Variants in SDSL observed in about 807,000 individuals in gnomAD.
SDSL encodes the protein serine dehydratase like, also known as serine dehydratase-like.
In SDSL, 26 loss-of-function variants were observed where a neutral mutation model predicts 27.6. That is an observed-to-expected ratio of 0.94 (90% confidence interval 0.69 to 1.31). The LOEUF is 1.31. Ranked by LOEUF, SDSL falls within the 50% of genes most tolerant of loss-of-function variation. The probability of loss-of-function intolerance (pLI) is 0.00; values close to 1 mark genes in which losing one functional copy is unlikely to be tolerated. For synonymous variants in SDSL, 196 were observed against 180.6 expected (o/e 1.09, Z -0.69); for missense variants, 431 against 423.5 (o/e 1.02, Z -0.16).
In SDSL at chr12:113,435,385, G is replaced by A. The variant is rs773181564; in HGVS notation, c.500G>A (p.Gly167Asp). 24 of 1,606,162 alleles carry A rather than the reference G, an allele frequency of 1.5e-5. No individual in the cohort carries two copies. The South Asian group carries it at 2.2e-4, about 15-fold the overall frequency. ...AAAGCAGTGCTGAGGACCCCACCAG[G>A]TGCCCTGGTGCTGGCAGTTGGGGGT... ...ELKAVLRTPP[G>D]ALVLAVGGGG... The change falls in exon 6 of 8, where the codon GGT becomes GAT. Residue 167 changes from glycine (G) to aspartate (D), a missense_variant. Gly to Asp is a moderately conservative substitution (Grantham distance 94). Coordinates refer to ENST00000403593, the MANE Select transcript of SDSL (RefSeq NM_001304993.2).
intron 4 of SDSL, among the ~76,000 whole-genome samples, chr12:113,432,435 G>A (rs1045676367): frequency 2.0e-5 from 3 of 152,034 alleles, no homozygotes; most frequent in African/African-American, 7.2e-5. Flanking sequence ...TCCACTGTCC[G>A]GGTTCAAGCG....
chr12:113,424,944 C>T (rs559392849), intron 1 of SDSL, among the ~76,000 whole-genome samples: 2 of 152,198 alleles, frequency 1.3e-5, no homozygotes, highest in African/African-American at 4.8e-5. Context: ...CCATGTTGGC[C>T]ACGCTGGTCT....
At chr12:113,424,840 A>G (rs1283432756) in intron 1 of SDSL, among the ~76,000 whole-genome samples, 3 of 151,988 alleles carry the variant, frequency 2.0e-5, no homozygotes, top group South Asian at 2.1e-4. Flanking sequence ...GGTTCAAGCA[A>G]TTCTCCCACC....
Position 113,438,105 on chromosome 12 carries a change from C to T in SDSL, c.*26C>T. The T allele has an allele frequency of 6.3e-7, 1 of 1,582,948 alleles. No individual in the cohort carries two copies. The highest frequency in any genetic ancestry group is 8.6e-7 in the Non-Finnish European group (1 of 1,157,952). The stretch of plus-strand genomic sequence containing the variant: ...GGGGTCCCATCCTGGCCCCAAAGAC[C>T]CCTGAGAGGCCCATGGACAGTCCTG... On this transcript the variant is annotated 3_prime_UTR_variant, in exon 8 of 8. Coordinates refer to ENST00000403593, the MANE Select transcript of SDSL (RefSeq NM_001304993.2).
At chr12:113,434,392 C>T (rs770034900) in intron 5 of SDSL, among the ~76,000 whole-genome samples, 170 bp downstream of exon 5, 1 of 152,190 alleles carries the variant, frequency 6.6e-6, no homozygotes, top group Non-Finnish European at 1.5e-5. Context: ...AATTGTGGGA[C>T]TTTGTGCAAA....
In SDSL at chr12:113,429,253, T is replaced by C. The variant is rs1957889941; in HGVS notation, c.308T>C (p.Val103Ala). The change falls in exon 4 of 8, where the codon GTG (valine) becomes GCG (alanine). Residue 103 changes from valine (V) to alanine (A), a missense_variant. Physicochemically the swap from Val to Ala is moderately conservative, Grantham distance 64. Transcript: ENST00000403593. ...VLPESTSLQV[V>A]QRLQGEGAEV... The stretch of plus-strand genomic sequence containing the variant: ...CCCGAGAGCACCTCCCTGCAGGTGG[T>C]GCAGAGGCTGCAGGGGGAGGGGGCC... 5.6e-6 allele frequency: 9 copies of C among 1,613,078 alleles called. No homozygotes were observed. The highest frequency in any genetic ancestry group is 7.6e-6 in the Non-Finnish European group (9 of 1,179,404).
chr12:113,432,256 CTTTCTTTCTTTCTT>C (rs1957936103), intron 4 of SDSL, among the ~76,000 whole-genome samples: 1 of 140,542 alleles, frequency 7.1e-6, no homozygotes, highest in African/African-American at 2.8e-5. Flanking sequence ...TTCTTTCTTT[CTTTCTTTCTTTCTT>C]TCTTTCTTTC....
intron 4 of SDSL, among the ~76,000 whole-genome samples, chr12:113,433,086 C>T (rs887724036): frequency 1.3e-5 from 2 of 152,208 alleles, no homozygotes; most frequent in Non-Finnish European, 2.9e-5. Context: ...TTTGAGAAAT[C>T]TCCAAACTGC....
chr12:113,432,276 CTTTCTT>C (rs1957940910), intron 4 of SDSL, among the ~76,000 whole-genome samples: 2 of 131,044 alleles, frequency 1.5e-5, no homozygotes, highest in South Asian at 2.6e-4. Context: ...TTCTTTCTTT[CTTTCTT>C]TCTTTCTTTC....
chr12:113,426,434 A>G (rs553516278), intron 1 of SDSL: 1 of 289,992 alleles, frequency 3.4e-6, no homozygotes, highest in South Asian at 3.1e-5. Flanking sequence ...TAATGGGATG[A>G]TTTGAAATGT....
At chr12:113,432,806 G>C (rs959985310) in intron 4 of SDSL, among the ~76,000 whole-genome samples, 1 of 152,168 alleles carries the variant, frequency 6.6e-6, no homozygotes, top group African/African-American at 2.4e-5. Flanking sequence ...AATTATCTTA[G>C]AATAATTGCC....
intron 4 of SDSL, among the ~76,000 whole-genome samples, chr12:113,431,647 C>T (rs1390226213): frequency 2.0e-5 from 3 of 150,966 alleles, no homozygotes; most frequent in African/African-American, 7.3e-5. Flanking sequence ...GATCTTGGCT[C>T]ACTGCAACCT....
intron 4 of SDSL, among the ~76,000 whole-genome samples, chr12:113,430,684 G>A (rs1158937048): frequency 6.6e-6 from 1 of 152,184 alleles, no homozygotes; most frequent in Non-Finnish European, 1.5e-5. Flanking sequence ...ACACAGCTGA[G>A]ACCAACATCA....
At chr12:113,432,367 C>T (rs1191903963) in intron 4 of SDSL, among the ~76,000 whole-genome samples, 3 of 151,028 alleles carry the variant, frequency 2.0e-5, no homozygotes, top group East Asian at 2.0e-4. Context: ...TTTTTTGAGA[C>T]AGTCTTGCTC....
At chr12:113,432,226 TTCTTTCTTTCTTTC>T (rs1348887395) in intron 4 of SDSL, among the ~76,000 whole-genome samples, 6 of 29,462 alleles carry the variant, frequency 2.0e-4, no homozygotes, top group Non-Finnish European at 1.7e-4. Flanking sequence ...CTTTCTTTCT[TTCTTTCTTTCTTTC>T]TTTCTTTCTT....
At position 113,422,395 on chromosome 12, in the gene SDSL, C is replaced by T. The variant is rs978281998; in HGVS notation, c.-104C>T. On this transcript the variant is annotated 5_prime_UTR_variant, in exon 1 of 8. Coordinates refer to ENST00000403593, the MANE Select transcript of SDSL (RefSeq NM_001304993.2). The stretch of plus-strand genomic sequence containing the variant: ...GAAGCTGCCTGAAGCTGGACAGAGC[C>T]GGTTCCTGGAAAGAGCTGGTTCCCT... The T allele has an allele frequency of 3.3e-5, 5 of 153,508 alleles. No individual in the cohort carries two copies. Among genetic ancestry groups the T allele is most frequent in the East Asian group, 1.9e-4 (1 of 5,230 alleles). 9.5% of individuals were successfully genotyped at this position (153,508 alleles called of 1,614,324 possible). A position where few individuals can be genotyped will look rare whatever the true frequency, so the allele number is the denominator to read the frequency against.
intron 6 of SDSL, among the ~76,000 whole-genome samples, 160 bp downstream of exon 6, chr12:113,435,716 C>A (rs934702276): frequency 6.6e-6 from 1 of 152,154 alleles, no homozygotes; most frequent in Non-Finnish European, 1.5e-5. Flanking sequence ...GAAGGCAGTG[C>A]TGAAAAAGGA....
intron 4 of SDSL, 100 bp downstream of exon 4, chr12:113,429,399 G>A: frequency 7.6e-7 from 1 of 1,321,210 alleles, no homozygotes; most frequent in South Asian, 1.4e-5. Flanking sequence ...TCGATGAGCT[G>A]TGGCTGGGAC....
At position 113,434,142 on chromosome 12, in the gene SDSL, C is replaced by T. The variant is rs140104127; in HGVS notation, c.363C>T (p.Asp121=). ...AEVQLTGKVW[D]EANLRAQELA... ...CCTTGGTTTCTCTGTAGGTCTGGGA[C>T]GAGGCCAATCTGAGGGCGCAAGAGT... The change falls in exon 5 of 8, where the codon GAC becomes GAT. Residue 121 remains aspartate, a synonymous_variant. Coordinates refer to ENST00000403593, the MANE Select transcript of SDSL (RefSeq NM_001304993.2). The T allele has an allele frequency of 9.5e-4, 1,538 of 1,613,434 alleles. 9 individuals carry two copies. In the African/African-American group the frequency reaches 0.017, roughly 17 times the overall value.
Sources: allele counts gnomAD v4.1 joint callset (sites outside exome capture counted in the v4.1 genomes callset), GRCh38; gene constraint gnomAD v4.1.1; transcripts MANE v1.5; gene names NCBI Gene and HGNC (gene_info 2026-07-23, HGNC 2026-07-21).